Variants in ST18 observed in about 807,000 individuals in gnomAD.
ST18 encodes the protein ST18 C2H2C-type zinc finger transcription factor, also known as suppression of tumorigenicity 18 protein.
ST18 carries 50 observed loss-of-function variants against 110.0 expected under a neutral mutation model. The ratio of observed to expected loss-of-function variants is 0.45; its 90% CI spans 0.36 to 0.58. ST18 has a LOEUF of 0.58. ST18 is among the 20% of genes least tolerant of loss of function. The probability of loss-of-function intolerance (pLI) is 0.00; values close to 1 mark genes in which losing one functional copy is unlikely to be tolerated. For missense variants in ST18, 1,306 were observed against 1,280.1 expected (o/e 1.02, Z -0.31); for synonymous variants, 461 against 452.4 (o/e 1.02, Z -0.24).
chr8:52,237,285 C>A (rs1249708126), intron 2 of ST18, among the ~76,000 whole-genome samples: 2 of 152,136 alleles, frequency 1.3e-5, no homozygotes, highest in African/African-American at 2.4e-5. Flanking sequence ...TTTAGCAGCT[C>A]ATTTTCTTCA....
At chr8:52,341,248 C>T (rs182517650) in intron 2 of ST18, among the ~76,000 whole-genome samples, 145 of 152,248 alleles carry the variant, frequency 9.5e-4, no homozygotes, top group African/African-American at 3.4e-3. Flanking sequence ...AAATCAAACA[C>T]GTGGAAAGGG....
At chr8:52,363,010 G>C (rs946137260) in intron 2 of ST18, among the ~76,000 whole-genome samples, 4 of 152,182 alleles carry the variant, frequency 2.6e-5, no homozygotes, top group African/African-American at 9.7e-5. Flanking sequence ...AGGAGATGGA[G>C]ACCATCCTGG....
At chr8:52,298,163 C>G (rs929754249) in intron 2 of ST18, among the ~76,000 whole-genome samples, 10 of 152,188 alleles carry the variant, frequency 6.6e-5, no homozygotes, top group Non-Finnish European at 1.5e-4. Flanking sequence ...AGGGCCTACC[C>G]TGGAAATGGT....
At chr8:52,339,295 A>G (rs1355504985) in intron 2 of ST18, among the ~76,000 whole-genome samples, 1 of 152,168 alleles carries the variant, frequency 6.6e-6, no homozygotes, top group South Asian at 2.1e-4. Context: ...ACTCTCTCAC[A>G]TCAAACTCCT....
At chr8:52,331,791 G>A (rs1400623910) in intron 2 of ST18, among the ~76,000 whole-genome samples, 1 of 152,142 alleles carries the variant, frequency 6.6e-6, no homozygotes, top group Non-Finnish European at 1.5e-5. Context: ...TAGTGGATGA[G>A]CGGTTGGCTT....
chr8:52,322,590 T>TC (rs1434255783), intron 2 of ST18, among the ~76,000 whole-genome samples: 1 of 152,214 alleles, frequency 6.6e-6, no homozygotes, highest in African/African-American at 2.4e-5. Context: ...ACCCTTTGTC[T>TC]CATCTCTAAG....
chr8:52,130,119 A>AAAGAAAGAAAGAAAGGAAAG (rs67888949), intron 22 of ST18, among the ~76,000 whole-genome samples: 1 of 105,164 alleles, frequency 9.5e-6, no homozygotes, highest in African/African-American at 4.1e-5. Context: ...AGAAAGAAAG[A>AAAGAAAGAAAGAAAGGAAAG]AAAGAAAGAA....
chr8:52,395,772 A>G (rs1840895893), intron 2 of ST18, among the ~76,000 whole-genome samples: 1 of 152,244 alleles, frequency 6.6e-6, no homozygotes, highest in Non-Finnish European at 1.5e-5. Context: ...ATCCTCTACA[A>G]AACTGAAAGT....
At chr8:52,258,986 C>T (rs151291724) in intron 2 of ST18, among the ~76,000 whole-genome samples, 2 of 152,262 alleles carry the variant, frequency 1.3e-5, no homozygotes, top group African/African-American at 2.4e-5. Flanking sequence ...ATTTACAAGC[C>T]TCTTGTGTGA....
intron 2 of ST18, among the ~76,000 whole-genome samples, chr8:52,297,567 G>A (rs2095654248): frequency 6.6e-6 from 1 of 152,026 alleles, no homozygotes; most frequent in Non-Finnish European, 1.5e-5. Flanking sequence ...AAAATCAATG[G>A]AAGAAATTAA....
Position 52,391,040 on chromosome 8 carries a change from G to T in ST18, c.-465+18288C>A, listed in dbSNP as rs577415323. Among the ~76,000 whole-genome samples, 97 of 152,260 alleles carry T rather than the reference G, an allele frequency of 6.4e-4. 1 individual carries two copies. Among genetic ancestry groups the T allele is most frequent in the East Asian group, 3.9e-4 (2 of 5,168 alleles). Reference sequence around the variant, plus strand: ...TAAAGCTGTTTTATTTGTAAAAGATGCTGTGTGTACCCAGGACCAGCCTCT... The same window carrying T: ...TAAAGCTGTTTTATTTGTAAAAGATTCTGTGTGTACCCAGGACCAGCCTCT... On this transcript the variant is annotated intron_variant, in intron 2 of 25. Coordinates refer to ENST00000689386, the MANE Select transcript of ST18 (RefSeq NM_001352837.2).
At chr8:52,392,974 T>C (rs930853413) in intron 2 of ST18, among the ~76,000 whole-genome samples, 1 of 152,208 alleles carries the variant, frequency 6.6e-6, no homozygotes, top group African/African-American at 2.4e-5. Context: ...TAGCCTCTGA[T>C]CCTTTGTTAC....
At position 52,138,093 on chromosome 8, in the gene ST18, CAAAAAAAAAAA is replaced by C. The variant is rs35928892; in HGVS notation, c.2169-621_2169-611del. On this transcript the variant is annotated intron_variant, in intron 17 of 25. Coordinates refer to ENST00000689386, the MANE Select transcript of ST18 (RefSeq NM_001352837.2). ...GGGCAACAAGAGTAAAACTCTGTCTCAAAAAAAAAAAAAAAAAAGAAAAGAAAAAGAAAAAT... is the reference window on the plus strand; with the variant it reads ...GGGCAACAAGAGTAAAACTCTGTCTCAAAAAAAGAAAAGAAAAAGAAAAAT... 2.4e-4 allele frequency among the ~76,000 whole-genome samples: 14 copies of C among 59,574 alleles called. No homozygotes were observed. The East Asian group carries it at 6.5e-3, about 28-fold the overall frequency. The allele number at this position is 59,574 out of a possible 152,430, so 39.1% of individuals were successfully genotyped here.
chr8:52,172,541 G>T lies in ST18; in HGVS notation c.320C>A (p.Thr107Asn), dbSNP rs780555711. The T allele has an allele frequency of 1.2e-6, 2 of 1,601,646 alleles. No homozygotes were observed. Among genetic ancestry groups the T allele is most frequent in the African/African-American group, 2.7e-5 (2 of 74,142 alleles). The part of the protein sequence containing the change: ...IKPMDESLLS[T>N]AQENSSRKED... ...CTTCCTACTGGAGTTTTCTTGTGCA[G>T]TTGAAAGAAGACTTTCATCCATAGG... Residue 107 changes from threonine to asparagine, a missense_variant, in exon 10 of 26, where the codon ACT (threonine) becomes AAT (asparagine). By Grantham distance (65) the Thr-to-Asn change is moderately conservative (BLOSUM62 0). Transcript: ENST00000689386.
At chr8:52,407,480 G>T (rs945274959) in intron 2 of ST18, 40 of 152,136 alleles carry the variant, frequency 2.6e-4, no homozygotes, top group African/African-American at 9.6e-4. Flanking sequence ...ACCCCAAAAA[G>T]CTGCATAATG....
chr8:52,311,934 T>A (rs1013148814), intron 2 of ST18, among the ~76,000 whole-genome samples: 16 of 152,158 alleles, frequency 1.1e-4, no homozygotes, highest in African/African-American at 3.9e-4. Flanking sequence ...CACTGGACAA[T>A]GTTGGCATTG....
intron 2 of ST18, among the ~76,000 whole-genome samples, chr8:52,374,832 C>T (rs974069419): frequency 3.9e-5 from 6 of 152,166 alleles, no homozygotes; most frequent in Admixed American, 2.0e-4. Context: ...TGATTTCCAG[C>T]TTCATCCATA....
intron 2 of ST18, among the ~76,000 whole-genome samples, chr8:52,234,728 G>GGTGTGT (rs3054614): frequency 0.036 from 5,201 of 145,632 alleles, 184 homozygotes; most frequent in African/African-American, 0.093. Context: ...AAGAAACTAT[G>GGTGTGT]GTGTGTGTGT....
chr8:52,134,435 T>C (rs976956644), intron 19 of ST18, among the ~76,000 whole-genome samples: 2 of 152,238 alleles, frequency 1.3e-5, no homozygotes, highest in Non-Finnish European at 2.9e-5. Flanking sequence ...CATCACAAAA[T>C]ACTTGCTTTT....
Sources: allele counts gnomAD v4.1 joint callset (sites outside exome capture counted in the v4.1 genomes callset), GRCh38; gene constraint gnomAD v4.1.1; transcripts MANE v1.5; gene names NCBI Gene and HGNC (gene_info 2026-07-23, HGNC 2026-07-21).